Variants in RPS6KA2 observed in about 807,000 individuals in gnomAD.
RPS6KA2 encodes the protein ribosomal protein S6 kinase A2.
RPS6KA2 carries 42 observed loss-of-function variants against 91.8 expected under a neutral mutation model. The ratio of observed to expected loss-of-function variants is 0.46; its 90% CI spans 0.36 to 0.59. RPS6KA2 has a LOEUF of 0.59. Among genes scored for constraint, RPS6KA2 ranks in the 20% least tolerant of loss-of-function variants. RPS6KA2 has a pLI of 0.00. For missense variants in RPS6KA2, 798 were observed against 978.5 expected, an observed-to-expected ratio of 0.82 and a Z score of 2.46; for synonymous variants, 414 against 393.6, an observed-to-expected ratio of 1.05 and a Z score of -0.61.
intron 2 of RPS6KA2, among the ~76,000 whole-genome samples, chr6:166,847,874 C>G (rs2128631489): frequency 6.6e-6 from 1 of 152,024 alleles, no homozygotes; most frequent in East Asian, 1.9e-4. Flanking sequence ...GACCAAGAAC[C>G]TAAAAGGAAA....
chr6:166,462,541 A>G (rs1258615140), intron 11 of RPS6KA2, among the ~76,000 whole-genome samples: 1 of 152,178 alleles, frequency 6.6e-6, no homozygotes, highest in Non-Finnish European at 1.5e-5. Flanking sequence ...CTGCTAAGTC[A>G]GGTCCCGGTT....
chr6:166,712,195 G>T (rs1486521267), intron 2 of RPS6KA2, among the ~76,000 whole-genome samples: 2 of 152,196 alleles, frequency 1.3e-5, no homozygotes, highest in Non-Finnish European at 2.9e-5. Context: ...GGCAGCCCAG[G>T]TACCTGGAGA....
At chr6:166,644,064 G>C (rs1787530564) in intron 2 of RPS6KA2, among the ~76,000 whole-genome samples, 1 of 152,186 alleles carries the variant, frequency 6.6e-6, no homozygotes, top group Admixed American at 6.5e-5. Context: ...CATGCACTTT[G>C]TGCCACAGGA....
intron 2 of RPS6KA2, among the ~76,000 whole-genome samples, chr6:166,664,489 A>G (rs1414000586): frequency 6.6e-6 from 1 of 152,198 alleles, no homozygotes; most frequent in Non-Finnish European, 1.5e-5. Flanking sequence ...AGGAAGATGA[A>G]ACTGTGCCTG....
intron 2 of RPS6KA2, among the ~76,000 whole-genome samples, chr6:166,758,091 C>T (rs1334194673): frequency 2.6e-5 from 4 of 152,246 alleles, no homozygotes; most frequent in Admixed American, 6.5e-5. Context: ...AGGCTGGCAA[C>T]GTGCCTTAGC....
intron 2 of RPS6KA2, among the ~76,000 whole-genome samples, chr6:166,689,006 A>C (rs182670185): frequency 3.9e-5 from 6 of 152,378 alleles, no homozygotes; most frequent in African/African-American, 1.4e-4. Flanking sequence ...GGCTAACTTT[A>C]ATAGCATCCC....
At chr6:166,594,520 T>C (rs938544883) in intron 1 of RPS6KA2, among the ~76,000 whole-genome samples, 31 of 152,318 alleles carry the variant, frequency 2.0e-4, no homozygotes, top group Admixed American at 1.6e-3. Context: ...TGGAGTGCAG[T>C]GGCGCAATCT....
chr6:166,501,775 T>C (rs1415318971), intron 6 of RPS6KA2, among the ~76,000 whole-genome samples: 1 of 152,206 alleles, frequency 6.6e-6, no homozygotes, highest in Non-Finnish European at 1.5e-5. Context: ...AATCCTGTTC[T>C]TCCAGATGCT....
intron 2 of RPS6KA2, among the ~76,000 whole-genome samples, chr6:166,538,452 G>C (rs917963658): frequency 2.2e-4 from 34 of 152,168 alleles, no homozygotes; most frequent in African/African-American, 8.2e-4. Flanking sequence ...GCATGTGACG[G>C]CTCCAACGGC....
Position 166,666,762 on chromosome 6 carries a change from T to A in RPS6KA2, c.124-127978A>T, listed in dbSNP as rs1788328460. Among the ~76,000 whole-genome samples the A allele has an allele frequency of 6.6e-6, 1 of 152,208 alleles. No homozygotes were observed. The highest frequency in any genetic ancestry group is 2.4e-5 in the African/African-American group (1 of 41,444). Reference sequence around the variant, plus strand: ...ACCATATAATTTAGCAACTTTCACTTCTGAGTATATACCCAAAAAGAATGG... The same window carrying A: ...ACCATATAATTTAGCAACTTTCACTACTGAGTATATACCCAAAAAGAATGG... On this transcript the variant is annotated intron_variant, in intron 2 of 21. Coordinates refer to the RPS6KA2 transcript ENST00000503859. The surrounding 1 kb of genome is among the most constrained non-coding windows in gnomAD (Gnocchi z 4.0).
intron 1 of RPS6KA2, among the ~76,000 whole-genome samples, chr6:166,571,926 G>A (rs1003851033): frequency 6.6e-6 from 1 of 151,862 alleles, no homozygotes; most frequent in Non-Finnish European, 1.5e-5. Context: ...GTGCCATGTT[G>A]GCATTATTTA....
Position 166,412,629 on chromosome 6 carries a change from C to T in RPS6KA2, c.*133G>A, listed in dbSNP as rs1778346090. 8.9e-6 allele frequency: 8 copies of T among 899,212 alleles called. No homozygotes were observed. Among genetic ancestry groups the T allele is most frequent in the South Asian group, 1.9e-5 (1 of 52,540 alleles). 55.7% of individuals were successfully genotyped at this position (899,212 alleles called of 1,614,324 possible). ...CTCTCCGGGGCTGAAAAAGAAAACA[C>T]GGACACGGCGAGGGCGGGCGCCGCC... On this transcript the variant is annotated 3_prime_UTR_variant, in exon 21 of 21. Coordinates refer to ENST00000265678, the MANE Select transcript of RPS6KA2 (RefSeq NM_021135.6). The surrounding 1 kb of genome is among the most constrained non-coding windows in gnomAD (Gnocchi z 4.3).
chr6:166,725,057 T>C (rs1273437229), intron 2 of RPS6KA2, among the ~76,000 whole-genome samples: 1 of 152,242 alleles, frequency 6.6e-6, no homozygotes, highest in Non-Finnish European at 1.5e-5. Context: ...TGTTATGTTC[T>C]CTTCTGAGAG....
At position 166,515,849 on chromosome 6, in the gene RPS6KA2, G is replaced by A. The variant is rs145922904; in HGVS notation, c.299-5492C>T. Among the ~76,000 whole-genome samples, 1,284 of 152,302 alleles carry A rather than the reference G, an allele frequency of 8.4e-3. 10 individuals are homozygous for A. Among genetic ancestry groups the A allele is most frequent in the Non-Finnish European group, 0.012 (828 of 68,030 alleles). On this transcript the variant is annotated intron_variant, in intron 3 of 20. Transcript: ENST00000265678. ...CCCTCTGCTCACTGAGATAAATGCA[G>A]ATCTGATTGCCTCCTTTGGAGAGGC...
chr6:166,788,466 G>C (rs1222704307), intron 2 of RPS6KA2, among the ~76,000 whole-genome samples: 3 of 152,154 alleles, frequency 2.0e-5, no homozygotes, highest in Non-Finnish European at 4.4e-5. Flanking sequence ...ACTGGATAAA[G>C]AAAATGTGGT....
intron 2 of RPS6KA2, among the ~76,000 whole-genome samples, chr6:166,744,718 G>A (rs1790933505): frequency 6.6e-6 from 1 of 152,192 alleles, no homozygotes; most frequent in African/African-American, 2.4e-5. Flanking sequence ...ACACCTGGGG[G>A]CATGCAGGCC....
chr6:166,577,377 A>G (rs1399424121), intron 1 of RPS6KA2, among the ~76,000 whole-genome samples: 2 of 152,168 alleles, frequency 1.3e-5, no homozygotes, highest in Non-Finnish European at 2.9e-5. Flanking sequence ...CAGACACTCA[A>G]CACCAGCCCA....
At chr6:166,799,178 C>T (rs1383096105) in intron 2 of RPS6KA2, among the ~76,000 whole-genome samples, 1 of 152,220 alleles carries the variant, frequency 6.6e-6, no homozygotes, top group African/African-American at 2.4e-5. Flanking sequence ...TAGAGAAAAT[C>T]TCAGTGCCGA....
chr6:166,426,894 C>A (rs1778935080), intron 16 of RPS6KA2, among the ~76,000 whole-genome samples: 4 of 147,360 alleles, frequency 2.7e-5, no homozygotes, highest in Admixed American at 2.7e-4. Flanking sequence ...TGGTACCATT[C>A]CTTCTGAAAC....
Sources: allele counts gnomAD v4.1 joint callset (sites outside exome capture counted in the v4.1 genomes callset), GRCh38; gene constraint gnomAD v4.1.1; non-coding constraint Gnocchi (gnomAD v3.1); transcripts MANE v1.5; gene names NCBI Gene and HGNC (gene_info 2026-07-23, HGNC 2026-07-21).